Variants in PRORP observed in about 807,000 individuals in gnomAD.
PRORP encodes the protein mitochondrial ribonuclease P catalytic subunit.
PRORP carries 51 observed loss-of-function variants against 59.4 expected under a neutral mutation model. That is an observed-to-expected ratio of 0.86 (90% CI 0.69 to 1.08). The LOEUF (loss-of-function observed/expected upper bound fraction) is 1.08. Ranked by LOEUF, PRORP falls within the 50% of genes least tolerant of loss-of-function variation. The pLI is 0.00. For missense variants in PRORP, 646 were observed against 690.3 expected, an observed-to-expected ratio of 0.94 and a Z score of 0.72; for synonymous variants, 231 against 245.6, an observed-to-expected ratio of 0.94 and a Z score of 0.55.
At chr14:35,230,050 CTT>C (rs35309046) in intron 5 of PRORP, among the ~76,000 whole-genome samples, 1,605 of 109,068 alleles carry the variant, frequency 0.015, 25 homozygotes, top group African/African-American at 0.047. Context: ...ACTGTAAATT[CTT>C]TTTTTTTTTT....
At chr14:35,239,180 A>G (rs1470879588) in intron 5 of PRORP, among the ~76,000 whole-genome samples, 2 of 151,774 alleles carry the variant, frequency 1.3e-5, no homozygotes, top group Non-Finnish European at 2.9e-5. Context: ...ACATGGTGAA[A>G]CCCCGTCTCT....
intron 6 of PRORP, among the ~76,000 whole-genome samples, chr14:35,267,157 A>G (rs747825763): frequency 6.6e-6 from 1 of 152,220 alleles, no homozygotes; most frequent in Admixed American, 6.5e-5. Context: ...CACCGAATAC[A>G]TGCCATAAGA....
intron 4 of PRORP, among the ~76,000 whole-genome samples, chr14:35,145,563 T>TA (rs2047583681): frequency 7.1e-6 from 1 of 141,188 alleles, no homozygotes. Flanking sequence ...GTACTAAAAA[T>TA]ACAAAAATTA....
intron 5 of PRORP, among the ~76,000 whole-genome samples, chr14:35,261,920 T>C (rs2050914568): frequency 1.3e-5 from 2 of 152,168 alleles, no homozygotes; most frequent in African/African-American, 4.8e-5. Context: ...GTTTTCATTG[T>C]TTTCAGAGAG....
At chr14:35,201,694 G>GTGCAGTGGTGCGATCT (rs1175491940) in intron 5 of PRORP, among the ~76,000 whole-genome samples, 3 of 151,852 alleles carry the variant, frequency 2.0e-5, no homozygotes, top group Non-Finnish European at 4.4e-5. Context: ...CCAGGCTGGA[G>GTGCAGTGGTGCGATCT]TGCAGTGGTG....
Position 35,150,656 on chromosome 14 carries a change from A to T in PRORP, c.1167+23045A>T, listed in dbSNP as rs1336540657. On this transcript the variant is annotated intron_variant, in intron 4 of 7. Transcript: ENST00000534898. ...CAGCTGGGATCCAGGCTTTTTTATGAGATTTAGCTTGAAGCAGTGTACTTT... is the reference window on the plus strand; with the variant it reads ...CAGCTGGGATCCAGGCTTTTTTATGTGATTTAGCTTGAAGCAGTGTACTTT... Among the ~76,000 whole-genome samples, 57 of 152,002 alleles carry T rather than the reference A, an allele frequency of 3.7e-4. 1 individual carries two copies. Among genetic ancestry groups the T allele is most frequent in the Non-Finnish European group, 2.9e-5 (2 of 68,020 alleles).
chr14:35,149,170 C>T (rs942701161), intron 4 of PRORP, among the ~76,000 whole-genome samples: 2 of 151,332 alleles, frequency 1.3e-5, no homozygotes, highest in Non-Finnish European at 2.9e-5. Context: ...CCGCCCGCCT[C>T]GGCCTCCCAA....
intron 4 of PRORP, among the ~76,000 whole-genome samples, chr14:35,170,912 C>T (rs1172065134): frequency 2.0e-5 from 3 of 151,154 alleles, no homozygotes; most frequent in South Asian, 4.2e-4. Context: ...TGTAATGGCG[C>T]AATCTCGGCT....
intron 5 of PRORP, among the ~76,000 whole-genome samples, chr14:35,227,982 A>C (rs1481114395): frequency 2.6e-5 from 4 of 151,978 alleles, no homozygotes; most frequent in African/African-American, 9.7e-5. Context: ...ATCTTTACTA[A>C]AAATACAAAA....
chr14:35,148,232 A>T (rs949708803), intron 4 of PRORP, among the ~76,000 whole-genome samples: 1 of 152,232 alleles, frequency 6.6e-6, no homozygotes, highest in Non-Finnish European at 1.5e-5. Flanking sequence ...TATGACAGCT[A>T]TAGCCTTACA....
intron 4 of PRORP, among the ~76,000 whole-genome samples, chr14:35,161,905 A>T (rs2048069758): frequency 6.6e-6 from 1 of 152,180 alleles, no homozygotes; most frequent in South Asian, 2.1e-4. Flanking sequence ...CCTAACTGCT[A>T]GGGAGCATGC....
chr14:35,218,437 G>A (rs1306360397), intron 5 of PRORP, among the ~76,000 whole-genome samples: 3 of 113,296 alleles, frequency 2.6e-5, no homozygotes, highest in Non-Finnish European at 5.1e-5. Flanking sequence ...TAGTAGCCTG[G>A]GCAACAGAGC....
chr14:35,173,410 G>A (rs1261858925), intron 4 of PRORP, among the ~76,000 whole-genome samples: 2 of 152,150 alleles, frequency 1.3e-5, no homozygotes, highest in African/African-American at 4.8e-5. Context: ...TGAGATCTCT[G>A]CTTAGGTCTT....
intron 5 of PRORP, among the ~76,000 whole-genome samples, chr14:35,181,771 G>A (rs1467632424): frequency 3.8e-5 from 3 of 79,202 alleles, no homozygotes; most frequent in African/African-American, 1.4e-4. Flanking sequence ...GGCAACAAGA[G>A]CAAAACTGTC....
At chr14:35,196,240 C>T (rs147992094) in intron 5 of PRORP, among the ~76,000 whole-genome samples, 14 of 152,258 alleles carry the variant, frequency 9.2e-5, no homozygotes, top group African/African-American at 2.6e-4. Context: ...TTTGGGAGGC[C>T]GAGGTGGGAG....
intron 5 of PRORP, among the ~76,000 whole-genome samples, chr14:35,237,056 CCCTT>C (rs1253745774): frequency 6.8e-6 from 1 of 146,896 alleles, no homozygotes; most frequent in Admixed American, 6.8e-5. Context: ...TCCTTTCCTT[CCCTT>C]CCTTCCTTTC....
chr14:35,173,596 T>C (rs185634908), intron 4 of PRORP, among the ~76,000 whole-genome samples: 30 of 152,240 alleles, frequency 2.0e-4, no homozygotes, highest in African/African-American at 6.0e-4. Flanking sequence ...CTGTCTTCTG[T>C]TTCCTCAAAC....
chr14:35,175,020 G>C (rs905877175), intron 4 of PRORP, among the ~76,000 whole-genome samples: 1 of 151,304 alleles, frequency 6.6e-6, no homozygotes, highest in African/African-American at 2.4e-5. Flanking sequence ...GCAATAGTTT[G>C]CTCAGAATGA....
At chr14:35,237,600 T>A (rs1227529463) in intron 5 of PRORP, among the ~76,000 whole-genome samples, 1 of 152,174 alleles carries the variant, frequency 6.6e-6, no homozygotes, top group African/African-American at 2.4e-5. Flanking sequence ...TAGGGAGATA[T>A]CTGAATATAT....
Sources: gnomAD v4.1 joint callset for allele counts (sites outside exome capture counted in the v4.1 genomes callset) on GRCh38, gnomAD v4.1.1 for gene constraint, MANE v1.5 for transcripts, NCBI Gene and HGNC (gene_info 2026-07-23, HGNC 2026-07-21) for gene names.